TEAD1: variants seen among roughly 807,000 people sequenced by gnomAD.
TEAD1 encodes transcriptional enhancer factor TEF-1.
Under a neutral mutation model 54.9 loss-of-function variants are expected in TEAD1, and 9 were observed. The observed-to-expected ratio is 0.16, with a 90% confidence interval of 0.10 to 0.29. The LOEUF is 0.29. Among genes scored for constraint, TEAD1 ranks in the 10% least tolerant of loss-of-function variants. TEAD1 has a pLI of 1.00. For synonymous variants in TEAD1, 200 were observed against 187.8 expected, an observed-to-expected ratio of 1.07 and a Z score of -0.53; for missense variants, 387 against 535.9, an observed-to-expected ratio of 0.72 and a Z score of 2.74.
chr11:12,731,628 AT>A (rs2133880092), intron 2 of TEAD1, among the ~76,000 whole-genome samples: 1 of 152,244 alleles, frequency 6.6e-6, no homozygotes, highest in Admixed American at 6.5e-5. Context: ...GTTCCTTCTC[AT>A]TTTTTGGCAG....
chr11:12,796,491 T>G (rs1466568347), intron 3 of TEAD1, among the ~76,000 whole-genome samples: 2 of 150,918 alleles, frequency 1.3e-5, no homozygotes, highest in African/African-American at 2.4e-5. Flanking sequence ...TTTGGGAGGC[T>G]GAGGCGGGCG....
chr11:12,757,627 T>C (rs1484089296), intron 2 of TEAD1, among the ~76,000 whole-genome samples: 1 of 152,230 alleles, frequency 6.6e-6, no homozygotes, highest in African/African-American at 2.4e-5. Flanking sequence ...TCTGGGTCTC[T>C]TACTACTCAT....
chr11:12,674,923 T>C (rs1055718701), intron 1 of TEAD1, 89 bp downstream of exon 1: 5 of 148,970 alleles, frequency 3.4e-5, no homozygotes, highest in Non-Finnish European at 3.0e-5. Flanking sequence ...GGCCGCTCTT[T>C]CTTTGCGGGC....
At chr11:12,882,647 A>T (rs991599155) in intron 8 of TEAD1, among the ~76,000 whole-genome samples, 3 of 152,180 alleles carry the variant, frequency 2.0e-5, no homozygotes, top group African/African-American at 7.2e-5. Flanking sequence ...AGTGCATGGC[A>T]TGTTCGGGTC....
chr11:12,801,673 A>T (rs1281063800), intron 3 of TEAD1, among the ~76,000 whole-genome samples: 4 of 152,202 alleles, frequency 2.6e-5, no homozygotes, highest in African/African-American at 9.7e-5. Context: ...TCTTAGGTGG[A>T]TTTTCAGTGA....
intron 2 of TEAD1, among the ~76,000 whole-genome samples, chr11:12,682,755 C>G (rs542574623): frequency 4.6e-5 from 7 of 152,148 alleles, no homozygotes; most frequent in African/African-American, 1.7e-4. Flanking sequence ...TAATGAACAG[C>G]GATCAGTAAA....
chr11:12,863,858 C>G (rs1947556717), intron 4 of TEAD1, among the ~76,000 whole-genome samples: 1 of 152,092 alleles, frequency 6.6e-6, no homozygotes, highest in African/African-American at 2.4e-5. Context: ...ATTTCCACGC[C>G]CCGGCATCCT....
chr11:12,911,511 T>C (rs1340151982), intron 10 of TEAD1, among the ~76,000 whole-genome samples: 1 of 152,262 alleles, frequency 6.6e-6, no homozygotes, highest in East Asian at 1.9e-4. Context: ...GTTTTCCATT[T>C]CTCCCTACTT....
At chr11:12,691,774 C>A (rs1391448786) in intron 2 of TEAD1, among the ~76,000 whole-genome samples, 1 of 152,144 alleles carries the variant, frequency 6.6e-6, no homozygotes, top group East Asian at 1.9e-4. Context: ...ATAACCAGGA[C>A]ATGAGAGATT....
At chr11:12,797,063 A>G (rs974172303) in intron 3 of TEAD1, among the ~76,000 whole-genome samples, 14 of 149,370 alleles carry the variant, frequency 9.4e-5, no homozygotes, top group African/African-American at 3.2e-4. Context: ...CAGTGAGCCA[A>G]GATTGCGCCA....
intron 5 of TEAD1, among the ~76,000 whole-genome samples, chr11:12,871,756 TTTAGG>T (rs1947749708): frequency 6.6e-6 from 1 of 152,056 alleles, no homozygotes; most frequent in Non-Finnish European, 1.5e-5. Flanking sequence ...CTCGAGTGTG[TTTAGG>T]TGAGTGTATG....
intron 2 of TEAD1, among the ~76,000 whole-genome samples, chr11:12,738,231 A>G (rs1349312101): frequency 2.6e-5 from 4 of 152,198 alleles, no homozygotes; most frequent in African/African-American, 9.6e-5. Flanking sequence ...CTGTGCATGT[A>G]CCAGCTGCCT....
intron 2 of TEAD1, among the ~76,000 whole-genome samples, chr11:12,760,479 T>G (rs974709100): frequency 8.5e-5 from 13 of 152,164 alleles, no homozygotes; most frequent in Admixed American, 2.0e-4. Flanking sequence ...CCTCCCTTCC[T>G]CTCCTACCTC....
chr11:12,689,935 G>A (rs1943419008), intron 2 of TEAD1, among the ~76,000 whole-genome samples: 1 of 151,908 alleles, frequency 6.6e-6, no homozygotes, highest in South Asian at 2.1e-4. Flanking sequence ...GATCACACCA[G>A]CACTGTAATA....
chr11:12,874,449 C>T (rs772513566), intron 5 of TEAD1, among the ~76,000 whole-genome samples: 11 of 152,184 alleles, frequency 7.2e-5, no homozygotes, highest in Non-Finnish European at 1.3e-4. Flanking sequence ...GTGTCCATTT[C>T]AACCATAAAA....
At chr11:12,822,273 G>A (rs1946568360) in intron 3 of TEAD1, among the ~76,000 whole-genome samples, 2 of 152,148 alleles carry the variant, frequency 1.3e-5, no homozygotes, top group South Asian at 4.1e-4. Flanking sequence ...TGCAACTGTA[G>A]AGAAACTAGA....
chr11:12,754,535 A>T (rs1397733896), intron 2 of TEAD1, among the ~76,000 whole-genome samples: 3 of 152,228 alleles, frequency 2.0e-5, no homozygotes, highest in African/African-American at 7.2e-5. Flanking sequence ...CAATGAAAAT[A>T]TAAACAGTGG....
chr11:12,782,042 CAGCT>C (rs1564937810), intron 3 of TEAD1, among the ~76,000 whole-genome samples: 2 of 151,022 alleles, frequency 1.3e-5, no homozygotes, highest in African/African-American at 4.9e-5. Context: ...CCCTGCTACT[CAGCT>C]GGCTGAGGTG....
At chr11:12,771,872 C>T (rs1158364001) in intron 3 of TEAD1, among the ~76,000 whole-genome samples, 1 of 152,176 alleles carries the variant, frequency 6.6e-6, no homozygotes, top group African/African-American at 2.4e-5. Context: ...AAAGGGAAGA[C>T]AGATTAGTGG....
Sources: allele counts gnomAD v4.1 joint callset (sites outside exome capture counted in the v4.1 genomes callset), GRCh38; gene constraint gnomAD v4.1.1; transcripts MANE v1.5; gene names NCBI Gene and HGNC (gene_info 2026-07-23, HGNC 2026-07-21).